Variants in CFAP74 observed in about 807,000 individuals in gnomAD.
CFAP74 encodes cilia and flagella associated protein 74.
Under a neutral mutation model 188.9 loss-of-function variants are expected in CFAP74, and 124 were observed. The ratio of observed to expected loss-of-function variants is 0.66; its 90% CI spans 0.57 to 0.76. The LOEUF is 0.76. Among genes scored for constraint, CFAP74 ranks in the 30% least tolerant of loss-of-function variants. CFAP74 has a pLI of 0.00. For synonymous variants in CFAP74, 956 were observed against 916.7 expected (o/e 1.04, Z -0.77); for missense variants, 2,198 against 2,165.2 (o/e 1.02, Z -0.30).
intron 18 of CFAP74, among the ~76,000 whole-genome samples, chr1:1,951,150 T>A (rs1293614814): frequency 6.6e-6 from 1 of 152,132 alleles, no homozygotes; most frequent in African/African-American, 2.4e-5. Context: ...CAGTCATGGT[T>A]GGAAGGGGAA....
chr1:1,925,661 C>A, intron 33 of CFAP74, 122 bp downstream of exon 33: 1 of 1,046,010 alleles, frequency 9.6e-7, no homozygotes, highest in Non-Finnish European at 1.4e-6. Flanking sequence ...GTAGAGGGGG[C>A]CACCTGTGTC....
At chr1:1,928,904 C>A in intron 26 of CFAP74, 22 bp from the exon 27 acceptor site, 1 of 1,511,520 alleles carries the variant, frequency 6.6e-7, no homozygotes, top group Non-Finnish European at 8.9e-7. Flanking sequence ...CCAGCGTGGG[C>A]ACAGGGGTTG....
At chr1:1,985,334 C>G (rs759963082) in intron 6 of CFAP74, 52 bp downstream of exon 6, 1 of 1,491,258 alleles carries the variant, frequency 6.7e-7, no homozygotes, top group Non-Finnish European at 9.3e-7. Flanking sequence ...GGGAAGGACT[C>G]GCACCGTTCT....
chr1:1,932,683 T>C lies in CFAP74; in HGVS notation c.3012-2347A>G, dbSNP rs1201726989. On this transcript the variant is annotated intron_variant, in intron 25 of 38. Transcript: ENST00000682832. Reference sequence around the variant, plus strand: ...ATCTCGGCTCACTGCAACCTCCGCCTCCCGGGTTCAATGATTCTCCTGCCT... The same window carrying C: ...ATCTCGGCTCACTGCAACCTCCGCCCCCCGGGTTCAATGATTCTCCTGCCT... 2.7e-5 allele frequency among the ~76,000 whole-genome samples: 4 copies of C among 150,780 alleles called. No individual in the cohort carries two copies. The East Asian group carries it at 7.9e-4, about 30-fold the overall frequency.
Position 1,926,407 on chromosome 1 carries a change from G to A in CFAP74, c.3828+50C>T, listed in dbSNP as rs556277942. ...CTGCAGGCTCTACCACGCCCTCCCCGGTCCCCGCTCCCACCCCGCAGGCCG... is the reference window on the plus strand; with the variant it reads ...CTGCAGGCTCTACCACGCCCTCCCCAGTCCCCGCTCCCACCCCGCAGGCCG... On this transcript the variant is annotated intron_variant, in intron 31 of 38. Transcript: ENST00000682832. The A allele has an allele frequency of 1.9e-4, 292 of 1,550,158 alleles. No individual in the cohort carries two copies. The African/African-American group carries it at 2.9e-3, about 15-fold the overall frequency.
In CFAP74 at chr1:1,950,629, C is replaced by T. The variant is rs150183684; in HGVS notation, c.2177-3575G>A. ...TGCTGGGATTACAGGTGTGAGCCAC[C>T]GCGCCTAGGCTTTTGCCCATTTTTT... On this transcript the variant is annotated intron_variant, in intron 18 of 38. Transcript: ENST00000682832. Among the ~76,000 whole-genome samples, 1,370 of 152,148 alleles carry T rather than the reference C, an allele frequency of 9.0e-3. 31 individuals carry two copies. Among genetic ancestry groups the T allele is most frequent in the African/African-American group, 0.031 (1,307 of 41,504 alleles).
rs144648593 is a variant in CFAP74 at position 1,923,925 on chromosome 1, C to T, written c.4239G>A (p.Thr1413=). Residue 1413 remains threonine (T), a synonymous_variant, in exon 35 of 39, where the codon ACG becomes ACA. Coordinates refer to ENST00000682832, the MANE Select transcript of CFAP74 (RefSeq NM_001304360.2). The surrounding 1 kb of genome is among the most constrained non-coding windows in gnomAD (Gnocchi z 6.3). ...SPSQRTEVVG[T]QNLNGQSVFS... is the part of the protein sequence containing the mutation. Reference sequence around the variant, plus strand: ...ACACGCTCTGACCGTTGAGATTCTGCGTCCCTGCGGGTAGGGTGGGGTGCA... The same window carrying T: ...ACACGCTCTGACCGTTGAGATTCTGTGTCCCTGCGGGTAGGGTGGGGTGCA... 7.1e-5 allele frequency: 114 copies of T among 1,608,590 alleles called. No homozygotes were observed. In the African/African-American group the frequency reaches 1.3e-3, roughly 18 times the overall value.
At position 1,949,046 on chromosome 1, in the gene CFAP74, CCCT is replaced by C. The variant is rs571256817; in HGVS notation, c.2177-1995_2177-1993del. Among the ~76,000 whole-genome samples the C allele has an allele frequency of 1.5e-3, 189 of 122,818 alleles. 1 individual carries two copies. Among genetic ancestry groups the C allele is most frequent in the Non-Finnish European group, 2.9e-3 (166 of 56,508 alleles). 80.6% of individuals were successfully genotyped at this position (122,818 alleles called of 152,430 possible). A position where few individuals can be genotyped will look rare whatever the true frequency, so the allele number is the denominator to read the frequency against. On this transcript the variant is annotated intron_variant, in intron 18 of 38. Coordinates refer to ENST00000682832, the MANE Select transcript of CFAP74 (RefSeq NM_001304360.2). ...TCCTTCTCTCCCTCCCTCCTTCCTTCCCTCCTTTCCTTCCTTCCTTCCTTTCCT... is the reference window on the plus strand; with the variant it reads ...TCCTTCTCTCCCTCCCTCCTTCCTTCCCTTTCCTTCCTTCCTTCCTTTCCT...
chr1:1,990,732 A>G (rs1657518452), intron 2 of CFAP74, among the ~76,000 whole-genome samples, 158 bp downstream of exon 2: 1 of 152,230 alleles, frequency 6.6e-6, no homozygotes, highest in South Asian at 2.1e-4. Flanking sequence ...CTTTCTTTCA[A>G]ATAAAGACAA....
intron 6 of CFAP74, chr1:1,984,482 A>G (rs1253524145): frequency 6.6e-6 from 1 of 152,338 alleles, no homozygotes; most frequent in Non-Finnish European, 1.5e-5. Context: ...CTCCACGCTC[A>G]GCCACAGCTG....
intron 33 of CFAP74, among the ~76,000 whole-genome samples, chr1:1,924,799 C>T (rs1434868044): frequency 2.6e-5 from 4 of 152,224 alleles, no homozygotes; most frequent in South Asian, 4.1e-4. Flanking sequence ...GCCTGAGTCT[C>T]GCTCAGGCCC....
At chr1:1,958,670 A>G (rs1654843297) in intron 16 of CFAP74, among the ~76,000 whole-genome samples, 1 of 150,064 alleles carries the variant, frequency 6.7e-6, no homozygotes, top group Non-Finnish European at 1.5e-5. Context: ...TGATGGACCA[A>G]GCAAAGGTGT....
At chr1:1,985,514 G>A (rs775512071) in intron 5 of CFAP74, 24 bp from the exon 6 acceptor site, 87 of 1,585,390 alleles carry the variant, frequency 5.5e-5, no homozygotes, top group East Asian at 1.6e-4. Flanking sequence ...CGGACAGGCC[G>A]GGCGTGTGTC....
intron 6 of CFAP74, among the ~76,000 whole-genome samples, chr1:1,981,752 CGCG>C: frequency 2.9e-5 from 4 of 140,094 alleles, no homozygotes; most frequent in Admixed American, 7.1e-5. Flanking sequence ...GACACCCAGC[CGCG>C]GTCACACGCG....
intron 4 of CFAP74, among the ~76,000 whole-genome samples, chr1:1,987,370 G>A (rs887253407): frequency 4.0e-4 from 61 of 152,152 alleles, no homozygotes; most frequent in Non-Finnish European, 5.1e-4. Context: ...TGGGGCCCAC[G>A]GGAGGGGAGG....
Position 1,946,174 on chromosome 1 carries a change from A to T in CFAP74, c.2364+143T>A, listed in dbSNP as rs1443808314. On this transcript the variant is annotated intron_variant, in intron 20 of 38. Coordinates refer to ENST00000682832, the MANE Select transcript of CFAP74 (RefSeq NM_001304360.2). ...CACTCGTGTGCGTGCGTGTGTTGTA[A>T]ACTGTGGTGCCAACCATCCGTGCCA... The T allele has an allele frequency of 6.7e-6, 7 of 1,039,290 alleles. No homozygotes were observed. The African/African-American group carries it at 8.0e-5, about 12-fold the overall frequency. 64.4% of individuals were successfully genotyped at this position (1,039,290 alleles called of 1,614,324 possible).
chr1:1,994,112 CTG>C lies in CFAP74; in HGVS notation c.-19-3139_-19-3138del, dbSNP rs902658001. Among the ~76,000 whole-genome samples, 49 of 149,582 alleles carry C rather than the reference CTG, an allele frequency of 3.3e-4. 1 individual carries two copies. Among genetic ancestry groups the C allele is most frequent in the African/African-American group, 1.2e-3 (47 of 40,466 alleles). Reference sequence around the variant, plus strand: ...CCCAGGAGGTCGAGGCTGCCGTGAGCTGTGATTGTGCCACTGCAGGCCAGCCT... The same window carrying C: ...CCCAGGAGGTCGAGGCTGCCGTGAGCTGATTGTGCCACTGCAGGCCAGCCT... On this transcript the variant is annotated intron_variant, in intron 1 of 38. Transcript: ENST00000682832.
In CFAP74 at chr1:1,923,658, T is replaced by C; in HGVS notation, c.4389+117A>G. The C allele has an allele frequency of 6.4e-7, 1 of 1,552,438 alleles. No individual in the cohort carries two copies. Among genetic ancestry groups the C allele is most frequent in the Non-Finnish European group, 8.8e-7 (1 of 1,134,010 alleles). The stretch of plus-strand genomic sequence containing the variant: ...CCACTGACGGCCCTCAGTGTGGTGC[T>C]GAGTCCCCCAGCCATGGTACCCTCA... On this transcript the variant is annotated intron_variant, in intron 35 of 38. Transcript: ENST00000682832. The surrounding 1 kb of genome is among the most constrained non-coding windows in gnomAD (Gnocchi z 6.3).
At chr1:1,998,067 C>T (rs994762008) in intron 1 of CFAP74, among the ~76,000 whole-genome samples, 1 of 152,154 alleles carries the variant, frequency 6.6e-6, no homozygotes, top group Non-Finnish European at 1.5e-5. Flanking sequence ...CACCTGAGGT[C>T]AGGAGTTCGA....
Sources: gnomAD v4.1 joint callset for allele counts (sites outside exome capture counted in the v4.1 genomes callset) on GRCh38, gnomAD v4.1.1 for gene constraint, Gnocchi (gnomAD v3.1) non-coding constraint, MANE v1.5 for transcripts, NCBI Gene and HGNC (gene_info 2026-07-23, HGNC 2026-07-21) for gene names.